The following SYNPR variants were observed in gnomAD, a reference collection of about 807,000 sequenced individuals.
SYNPR encodes the protein synaptoporin.
SYNPR carries 23 observed loss-of-function variants against 32.9 expected under a neutral mutation model. The ratio of observed to expected loss-of-function variants is 0.70; its 90% CI spans 0.50 to 0.99. The LOEUF is 0.99. Among genes scored for constraint, SYNPR ranks in the 50% least tolerant of loss-of-function variants. The pLI is 0.00. For missense variants in SYNPR, 318 were observed against 349.3 expected (o/e 0.91, Z 0.71); for synonymous variants, 146 against 135.9 (o/e 1.07, Z -0.52).
At chr3:63,201,470 C>G in the SYNPR span, among the ~76,000 whole-genome samples, 1 of 152,104 alleles carries the variant, frequency 6.6e-6, no homozygotes, top group Non-Finnish European at 1.5e-5. Context: ...AAGCTGAAAT[C>G]TACTTCCATA....
chr3:63,545,213 G>C (rs1301980720), intron 3 of SYNPR, among the ~76,000 whole-genome samples: 1 of 151,996 alleles, frequency 6.6e-6, no homozygotes, highest in Non-Finnish European at 1.5e-5. Flanking sequence ...TTGTCAACTG[G>C]TTTTATCATG....
intron 2 of SYNPR, among the ~76,000 whole-genome samples, chr3:63,374,571 C>T (rs1433830300): frequency 3.9e-5 from 6 of 152,108 alleles, no homozygotes; most frequent in Non-Finnish European, 4.4e-5. Flanking sequence ...TGCACATATA[C>T]CCCTGAACCT....
chr3:63,335,486 G>T (rs1247395326), intron 2 of SYNPR, among the ~76,000 whole-genome samples: 1 of 152,108 alleles, frequency 6.6e-6, no homozygotes, highest in African/African-American at 2.4e-5. Context: ...AAGTCCAGGA[G>T]ATTTCCATTT....
chr3:63,563,034 C>T (rs2106836281), intron 4 of SYNPR, among the ~76,000 whole-genome samples: 1 of 152,264 alleles, frequency 6.6e-6, no homozygotes, highest in South Asian at 2.1e-4. Flanking sequence ...CTATTATTAT[C>T]ATTAATTTTA....
At chr3:63,467,611 T>C (rs1351451163) in intron 2 of SYNPR, among the ~76,000 whole-genome samples, 1 of 152,236 alleles carries the variant, frequency 6.6e-6, no homozygotes, top group Non-Finnish European at 1.5e-5. Flanking sequence ...CATTGCCAGA[T>C]ACAAACAGAA....
chr3:63,204,679 G>C, the SYNPR span, among the ~76,000 whole-genome samples: 1 of 151,428 alleles, frequency 6.6e-6, no homozygotes, highest in South Asian at 2.1e-4. Flanking sequence ...AATACTCCTC[G>C]AGTGATTTTT....
intron 2 of SYNPR, among the ~76,000 whole-genome samples, chr3:63,460,704 T>C (rs1458837066): frequency 1.3e-5 from 2 of 151,798 alleles, no homozygotes; most frequent in Non-Finnish European, 2.9e-5. Context: ...AAGCCTTGAA[T>C]GCCATGCTAA....
intron 3 of SYNPR, among the ~76,000 whole-genome samples, chr3:63,482,502 C>T (rs1701068563): frequency 6.6e-6 from 1 of 152,240 alleles, no homozygotes; most frequent in Non-Finnish European, 1.5e-5. Context: ...CTCCCTGCCA[C>T]ACACCTTGCC....
chr3:63,505,287 G>A (rs538687278), intron 3 of SYNPR, among the ~76,000 whole-genome samples: 1 of 152,240 alleles, frequency 6.6e-6, no homozygotes, highest in Middle Eastern at 3.4e-3. Context: ...TATGTGAAAA[G>A]ACCTCAACTT....
intron 2 of SYNPR, among the ~76,000 whole-genome samples, chr3:63,416,782 C>A (rs1042766323): frequency 4.6e-5 from 7 of 152,132 alleles, no homozygotes; most frequent in South Asian, 4.2e-4. Context: ...AAAATTCCCC[C>A]CTGTAAAACC....
chr3:63,286,635 T>C (rs566968809), intron 2 of SYNPR, among the ~76,000 whole-genome samples: 1 of 152,314 alleles, frequency 6.6e-6, no homozygotes, highest in East Asian at 1.9e-4. Flanking sequence ...GTAGAAAATC[T>C]CTAAGGAGTA....
chr3:63,412,098 C>A (rs1165328827), intron 2 of SYNPR, among the ~76,000 whole-genome samples: 2 of 151,988 alleles, frequency 1.3e-5, no homozygotes, highest in Non-Finnish European at 2.9e-5. Flanking sequence ...ATCAATGGAA[C>A]TTCACAATAA....
intron 3 of SYNPR, among the ~76,000 whole-genome samples, chr3:63,507,378 GA>G (rs71743220): frequency 5.3e-5 from 8 of 151,640 alleles, no homozygotes; most frequent in Admixed American, 2.0e-4. Context: ...CTAATAATGG[GA>G]AAAAAAATCA....
intron 4 of SYNPR, among the ~76,000 whole-genome samples, chr3:63,566,077 A>T (rs1475282505): frequency 6.6e-6 from 1 of 152,140 alleles, no homozygotes; most frequent in African/African-American, 2.4e-5. Flanking sequence ...CCAGTTTTAG[A>T]TGTTACTCAT....
At chr3:63,529,037 C>T (rs1702065590) in intron 3 of SYNPR, among the ~76,000 whole-genome samples, 1 of 152,234 alleles carries the variant, frequency 6.6e-6, no homozygotes, top group Non-Finnish European at 1.5e-5. Flanking sequence ...AACTGACCCC[C>T]TTGCCCACAG....
rs79455989 is a variant in SYNPR at position 63,524,178 on chromosome 3, A to C, written c.210-32365A>C. On this transcript the variant is annotated intron_variant, in intron 3 of 5. Transcript: ENST00000478300. ...AAGCCAGCATTACTTGCTGTCAATA[A>C]AAAGTAACCAAATAGTAATAATAAT... Among the ~76,000 whole-genome samples, 211 of 152,318 alleles carry C rather than the reference A, an allele frequency of 1.4e-3. 4 individuals carry two copies. The East Asian group carries it at 0.039, about 28-fold the overall frequency.
chr3:63,514,872 A>G (rs1701766537), intron 3 of SYNPR, among the ~76,000 whole-genome samples: 1 of 152,008 alleles, frequency 6.6e-6, no homozygotes, highest in Non-Finnish European at 1.5e-5. Flanking sequence ...ATGGGGCAGG[A>G]GCTTGGCAGT....
intron 2 of SYNPR, among the ~76,000 whole-genome samples, chr3:63,280,171 C>A (rs981674458): frequency 2.6e-5 from 4 of 152,204 alleles, no homozygotes; most frequent in Admixed American, 6.5e-5. Context: ...CTCACACGCT[C>A]ACCTATCTGA....
chr3:63,402,627 G>A (rs1351734018), intron 2 of SYNPR, among the ~76,000 whole-genome samples: 2 of 152,172 alleles, frequency 1.3e-5, no homozygotes, highest in African/African-American at 2.4e-5. Flanking sequence ...AGCAGTGGGA[G>A]TGTGCTTTGT....
Sources: allele counts gnomAD v4.1 joint callset (sites outside exome capture counted in the v4.1 genomes callset), GRCh38; gene constraint gnomAD v4.1.1; transcripts MANE v1.5; gene names NCBI Gene and HGNC (gene_info 2026-07-23, HGNC 2026-07-21).